Variants in OPCML observed in about 807,000 individuals in gnomAD.
The protein encoded by OPCML is opioid binding protein/cell adhesion molecule like.
In OPCML, 13 loss-of-function variants were observed where a neutral mutation model predicts 37.8. The ratio of observed to expected loss-of-function variants is 0.34; its 90% confidence interval spans 0.22 to 0.55. OPCML has a LOEUF of 0.55. OPCML is among the 20% of genes least tolerant of loss of function. The pLI is 0.91. For missense variants in OPCML, 341 were observed against 435.6 expected (o/e 0.78, Z 1.93); for synonymous variants, 176 against 168.8 (o/e 1.04, Z -0.33).
chr11:132,602,941 C>A (rs1488872368), intron 3 of OPCML, among the ~76,000 whole-genome samples: 1 of 152,224 alleles, frequency 6.6e-6, no homozygotes, highest in African/African-American at 2.4e-5. Flanking sequence ...CCACCTTGTG[C>A]TTTGACTGCT....
chr11:133,041,589 G>A (rs952497362), intron 1 of OPCML, among the ~76,000 whole-genome samples: 6 of 152,150 alleles, frequency 3.9e-5, no homozygotes, highest in Admixed American at 1.3e-4. Flanking sequence ...TGGCAACTGC[G>A]TCGCATATAC....
chr11:133,301,856 C>T (rs983353312), intron 1 of OPCML: 15 of 152,234 alleles, frequency 9.9e-5, no homozygotes, highest in Non-Finnish European at 1.0e-4. Flanking sequence ...CAGCCAATGA[C>T]ATCTTCTGGA....
At chr11:132,654,754 T>A (rs370150184) in intron 3 of OPCML, among the ~76,000 whole-genome samples, 92 of 88,756 alleles carry the variant, frequency 1.0e-3, no homozygotes, top group African/African-American at 3.7e-3. Flanking sequence ...CTCCCCAAGA[T>A]AAGCTCCTCC....
At chr11:132,936,470 A>C (rs937305831) in intron 2 of OPCML, among the ~76,000 whole-genome samples, 4 of 152,160 alleles carry the variant, frequency 2.6e-5, no homozygotes. Context: ...GTGGCATCTG[A>C]CACATAGTAA....
intron 1 of OPCML, among the ~76,000 whole-genome samples, chr11:133,499,626 G>T (rs1461958956): frequency 1.3e-5 from 2 of 151,820 alleles, no homozygotes; most frequent in Admixed American, 6.6e-5. Flanking sequence ...ATTTGGGAGA[G>T]AATATCTCAC....
chr11:132,888,360 A>G (rs1345888868), intron 2 of OPCML, among the ~76,000 whole-genome samples: 3 of 152,160 alleles, frequency 2.0e-5, no homozygotes, highest in African/African-American at 7.2e-5. Context: ...TAGAGATCAG[A>G]GGCTGTGCGC....
intron 1 of OPCML, among the ~76,000 whole-genome samples, chr11:133,198,557 G>C (rs1379914552): frequency 6.6e-6 from 1 of 152,246 alleles, no homozygotes; most frequent in East Asian, 1.9e-4. Flanking sequence ...TGGACATGAA[G>C]AAAGGCGTTG....
intron 1 of OPCML, among the ~76,000 whole-genome samples, chr11:133,265,958 A>T (rs1456194183): frequency 6.6e-6 from 1 of 152,192 alleles, no homozygotes; most frequent in East Asian, 1.9e-4. Context: ...CACTGTGAAT[A>T]AAGTATTAAT....
At chr11:133,520,410 C>G (rs757637091) in intron 1 of OPCML, among the ~76,000 whole-genome samples, 6 of 151,992 alleles carry the variant, frequency 3.9e-5, no homozygotes, top group African/African-American at 7.3e-5. Context: ...CTTTCTCCCA[C>G]GCAAGCAGAA....
intron 1 of OPCML, among the ~76,000 whole-genome samples, chr11:133,179,463 T>C (rs1937716666): frequency 6.6e-6 from 1 of 151,986 alleles, no homozygotes. Context: ...TCCTCACCAC[T>C]CTACAGGGGA....
At chr11:132,870,672 G>A (rs745770771) in intron 2 of OPCML, among the ~76,000 whole-genome samples, 3 of 152,288 alleles carry the variant, frequency 2.0e-5, no homozygotes, top group African/African-American at 7.2e-5. Context: ...CTCAACAGAC[G>A]AATGGGTGAG....
At chr11:132,681,514 T>C (rs2105617) in intron 2 of OPCML, among the ~76,000 whole-genome samples, 82,800 of 151,948 alleles carry the variant, frequency 0.54, 22,851 homozygotes, top group African/African-American at 0.63. Flanking sequence ...ATGACCTTCC[T>C]GCTCCATCTC....
chr11:133,458,509 T>A (rs867314452), intron 1 of OPCML, among the ~76,000 whole-genome samples: 26 of 119,162 alleles, frequency 2.2e-4, no homozygotes, highest in Middle Eastern at 4.1e-3. Context: ...TGTGTGTATA[T>A]ACACATATAT....
At chr11:133,467,834 C>T (rs1001872979) in intron 1 of OPCML, among the ~76,000 whole-genome samples, 10 of 152,182 alleles carry the variant, frequency 6.6e-5, no homozygotes, top group African/African-American at 2.2e-4. Context: ...GAAAAAAAGA[C>T]AACACTCATT....
chr11:132,620,918 G>A (rs2137915356), intron 3 of OPCML, among the ~76,000 whole-genome samples: 1 of 152,308 alleles, frequency 6.6e-6, no homozygotes, highest in East Asian at 1.9e-4. Context: ...AGATTTTGGA[G>A]GCTCAGCTGG....
chr11:133,025,916 G>C (rs1362917899), intron 1 of OPCML: 1 of 217,540 alleles, frequency 4.6e-6, no homozygotes, highest in Non-Finnish European at 7.8e-6. Context: ...TGTATTTTTG[G>C]TAGAGATGGG....
chr11:132,430,819 G>A (rs1368543093), intron 7 of OPCML, among the ~76,000 whole-genome samples: 3 of 152,068 alleles, frequency 2.0e-5, no homozygotes, highest in East Asian at 1.9e-4. Flanking sequence ...TCATCCAGGC[G>A]TTTACATGCC....
chr11:132,512,863 A>G (rs188829718), intron 4 of OPCML, among the ~76,000 whole-genome samples: 264 of 152,070 alleles, frequency 1.7e-3, no homozygotes, highest in African/African-American at 5.6e-3. Context: ...AATAAGAAAC[A>G]GGGAAGCTTT....
intron 3 of OPCML, among the ~76,000 whole-genome samples, chr11:132,564,573 G>C (rs1477525787): frequency 6.6e-6 from 1 of 152,228 alleles, no homozygotes; most frequent in Non-Finnish European, 1.5e-5. Flanking sequence ...TACTGAGGAA[G>C]TAATCCTACT....
Sources: gnomAD v4.1 joint callset for allele counts (sites outside exome capture counted in the v4.1 genomes callset) on GRCh38, gnomAD v4.1.1 for gene constraint, MANE v1.5 for transcripts, NCBI Gene and HGNC (gene_info 2026-07-23, HGNC 2026-07-21) for gene names.